Variants in CDH8 observed in about 807,000 individuals in gnomAD.
The protein encoded by CDH8 is cadherin 8, also known as cadherin-8.
In CDH8, 17 loss-of-function variants were observed where a neutral mutation model predicts 68.1. That is an observed-to-expected ratio of 0.25 (90% CI 0.17 to 0.37). The LOEUF (loss-of-function observed/expected upper bound fraction) is 0.37, where lower values mean the gene tolerates loss of function less well. CDH8 is among the 10% of genes least tolerant of loss of function. The pLI, the probability that CDH8 is intolerant of heterozygous loss-of-function variation, is 1.00. For synonymous variants in CDH8, 372 were observed against 365.1 expected, an observed-to-expected ratio of 1.02 and a Z score of -0.21; for missense variants, 763 against 999.3, an observed-to-expected ratio of 0.76 and a Z score of 3.19.
rs533818879 is a variant in CDH8 at position 61,699,521 on chromosome 16, G to A, written c.1654+14320C>T. Reference sequence around the variant, plus strand: ...GTCTACACTTTAACTTCAGTGGAGCGTTGATCTCCATAACATAGTCTTTTC... The same window carrying A: ...GTCTACACTTTAACTTCAGTGGAGCATTGATCTCCATAACATAGTCTTTTC... On this transcript the variant is annotated intron_variant, in intron 10 of 11. Transcript: ENST00000577390. 8.5e-5 allele frequency among the ~76,000 whole-genome samples: 13 copies of A among 152,090 alleles called. No homozygotes were observed. The South Asian group carries it at 1.2e-3, about 15-fold the overall frequency.
chr16:61,980,975 G>C (rs773642554), intron 2 of CDH8, among the ~76,000 whole-genome samples: 1 of 151,972 alleles, frequency 6.6e-6, no homozygotes, highest in African/African-American at 2.4e-5. Flanking sequence ...TTCAGTCTCC[G>C]GTGGCTCAAC....
At chr16:62,030,610 T>A (rs1902302208) in intron 1 of CDH8, among the ~76,000 whole-genome samples, 1 of 152,300 alleles carries the variant, frequency 6.6e-6, no homozygotes, top group East Asian at 1.9e-4. Flanking sequence ...ATGTCACATC[T>A]AGAATCAAAT....
chr16:61,794,899 G>C (rs1054502670), intron 7 of CDH8, among the ~76,000 whole-genome samples: 3 of 151,938 alleles, frequency 2.0e-5, no homozygotes, highest in African/African-American at 7.3e-5. Context: ...AAATCAGAAA[G>C]GATGCCATTT....
intron 3 of CDH8, among the ~76,000 whole-genome samples, chr16:61,891,753 A>G (rs1001464389): frequency 2.0e-5 from 3 of 152,142 alleles, no homozygotes; most frequent in African/African-American, 4.8e-5. Flanking sequence ...GTTTATTTCA[A>G]TCCTCATGAT....
chr16:61,787,154 G>A (rs77785050), intron 8 of CDH8, among the ~76,000 whole-genome samples: 14 of 151,940 alleles, frequency 9.2e-5, no homozygotes, highest in East Asian at 7.8e-4. Flanking sequence ...TGAACAGGCA[G>A]CCTACAAACT....
chr16:61,892,272 C>A (rs1597046387), intron 3 of CDH8, among the ~76,000 whole-genome samples: 1 of 152,102 alleles, frequency 6.6e-6, no homozygotes, highest in African/African-American at 2.4e-5. Flanking sequence ...AATGTATTCT[C>A]ATTAGATATG....
chr16:61,751,760 A>T (rs138616149), intron 8 of CDH8, among the ~76,000 whole-genome samples: 35 of 152,230 alleles, frequency 2.3e-4, no homozygotes, highest in African/African-American at 8.4e-4. Flanking sequence ...CTGAATGGTA[A>T]TTATATTACA....
intron 2 of CDH8, among the ~76,000 whole-genome samples, chr16:61,972,669 T>C (rs1342642402): frequency 2.0e-5 from 3 of 151,322 alleles, no homozygotes. Flanking sequence ...GAAAATGTAA[T>C]TGGACCATGA....
chr16:61,730,651 A>G (rs1198755558), intron 8 of CDH8, among the ~76,000 whole-genome samples: 1 of 151,544 alleles, frequency 6.6e-6, no homozygotes, highest in East Asian at 1.9e-4. Context: ...TACTAAATTA[A>G]TTTGTTCTTA....
In CDH8 at chr16:61,950,476, G is replaced by A. The variant is rs139354388; in HGVS notation, c.253-49003C>T. 1.0e-3 allele frequency among the ~76,000 whole-genome samples: 156 copies of A among 152,300 alleles called. No individual in the cohort carries two copies. In the East Asian group the frequency reaches 0.028, roughly 28 times the overall value. The stretch of plus-strand genomic sequence containing the variant: ...TTGAGTGCAGAGTAGCAGAAGGGAT[G>A]CGACTGGGTGTCTATCCCACTTATG... On this transcript the variant is annotated intron_variant, in intron 2 of 11. Coordinates refer to ENST00000577390, the MANE Select transcript of CDH8 (RefSeq NM_001796.5).
intron 10 of CDH8, among the ~76,000 whole-genome samples, chr16:61,697,676 T>A (rs979274674): frequency 1.4e-4 from 22 of 152,204 alleles, no homozygotes; most frequent in African/African-American, 5.1e-4. Flanking sequence ...AATTTTTGTA[T>A]CTTTAATAGA....
chr16:61,877,422 A>G (rs1322281516), intron 3 of CDH8, among the ~76,000 whole-genome samples: 2 of 152,174 alleles, frequency 1.3e-5, no homozygotes. Context: ...TGCCAAGATA[A>G]TACAAGATTA....
At position 61,704,341 on chromosome 16, in the gene CDH8, A is replaced by G. The variant is rs192882526; in HGVS notation, c.1654+9500T>C. Among the ~76,000 whole-genome samples, 266 of 152,264 alleles carry G rather than the reference A, an allele frequency of 1.7e-3. 2 individuals carry two copies. Among genetic ancestry groups the G allele is most frequent in the African/African-American group, 5.1e-3 (214 of 41,574 alleles). Reference sequence around the variant, plus strand: ...TTACGAACTATTGGGACCATTTGTCATATGTTTATTGAGTTATTTTATTTT... The same window carrying G: ...TTACGAACTATTGGGACCATTTGTCGTATGTTTATTGAGTTATTTTATTTT... On this transcript the variant is annotated intron_variant, in intron 10 of 11. Transcript: ENST00000577390.
At chr16:62,018,785 T>C (rs1020617430) in intron 2 of CDH8, among the ~76,000 whole-genome samples, 3 of 152,280 alleles carry the variant, frequency 2.0e-5, no homozygotes, top group African/African-American at 7.2e-5. Flanking sequence ...TCAAAAGCAT[T>C]TGGGCTATTT....
intron 2 of CDH8, among the ~76,000 whole-genome samples, chr16:61,960,473 A>C (rs1567546959): frequency 6.6e-6 from 1 of 151,952 alleles, no homozygotes; most frequent in African/African-American, 2.4e-5. Flanking sequence ...GAGTATACAT[A>C]TATTCTGTCC....
intron 2 of CDH8, among the ~76,000 whole-genome samples, chr16:61,942,768 A>G (rs1439039173): frequency 6.6e-6 from 1 of 152,136 alleles, no homozygotes; most frequent in Non-Finnish European, 1.5e-5. Context: ...TGCACAGGGT[A>G]GCTTTGAAAA....
At chr16:62,028,247 T>C (rs1165872728) in intron 1 of CDH8, among the ~76,000 whole-genome samples, 1 of 151,830 alleles carries the variant, frequency 6.6e-6, no homozygotes, top group African/African-American at 2.4e-5. Context: ...TTTGTATTTT[T>C]AGTAAAGATG....
At chr16:61,852,990 GA>G (rs1454566856) in intron 4 of CDH8, among the ~76,000 whole-genome samples, 1 of 151,318 alleles carries the variant, frequency 6.6e-6, no homozygotes, top group Admixed American at 6.6e-5. Context: ...CTAGGCATAG[GA>G]ATGCATAGAT....
At chr16:61,782,233 C>T (rs1176756038) in intron 8 of CDH8, among the ~76,000 whole-genome samples, 1 of 152,144 alleles carries the variant, frequency 6.6e-6, no homozygotes, top group Non-Finnish European at 1.5e-5. Flanking sequence ...TGGGTGCGCG[C>T]ACCGTCCGCG....
Sources: gnomAD v4.1 joint callset for allele counts (sites outside exome capture counted in the v4.1 genomes callset) on GRCh38, gnomAD v4.1.1 for gene constraint, MANE v1.5 for transcripts, NCBI Gene and HGNC (gene_info 2026-07-23, HGNC 2026-07-21) for gene names.